The following FAM3B variants were observed in gnomAD, a reference collection of about 807,000 sequenced individuals.
FAM3B encodes protein FAM3B.
In FAM3B, 29 loss-of-function variants were observed where a neutral mutation model predicts 28.4. The ratio of observed to expected loss-of-function variants is 1.02; its 90% CI spans 0.76 to 1.39. The LOEUF (loss-of-function observed/expected upper bound fraction) is 1.39, where lower values mean the gene tolerates loss of function less well. FAM3B is among the 40% of genes most tolerant of loss of function. The pLI is 0.00. For missense variants in FAM3B, 266 were observed against 293.9 expected (o/e 0.91, Z 0.69); for synonymous variants, 91 against 103.0 (o/e 0.88, Z 0.71).
chr21:41,349,822 G>A (rs2089099736), intron 7 of FAM3B, among the ~76,000 whole-genome samples: 1 of 151,774 alleles, frequency 6.6e-6, no homozygotes, highest in African/African-American at 2.4e-5. Flanking sequence ...GGTTATTTTA[G>A]CATGCATCTA....
At chr21:41,333,623 T>C (rs2088927019) in intron 2 of FAM3B, among the ~76,000 whole-genome samples, 1 of 152,240 alleles carries the variant, frequency 6.6e-6, no homozygotes, top group African/African-American at 2.4e-5. Flanking sequence ...AACCCTTTTC[T>C]TTCTAAATTA....
chr21:41,322,071 TC>T (rs914808440), intron 1 of FAM3B, among the ~76,000 whole-genome samples: 26 of 152,302 alleles, frequency 1.7e-4, no homozygotes, highest in African/African-American at 6.3e-4. Flanking sequence ...CCTGTGGTTA[TC>T]CCTGCATCGT....
In FAM3B at chr21:41,353,420, G is replaced by A. The variant is rs754966434; in HGVS notation, c.619-3688G>A. 9.3e-4 allele frequency among the ~76,000 whole-genome samples: 141 copies of A among 152,218 alleles called. 2 individuals are homozygous for A. Among genetic ancestry groups the A allele is most frequent in the Non-Finnish European group, 1.3e-4 (9 of 68,036 alleles). On this transcript the variant is annotated intron_variant, in intron 7 of 7. Coordinates refer to ENST00000357985, the MANE Select transcript of FAM3B (RefSeq NM_058186.4). ...TTTCAAAACATAACACAAAGCTGCTGTGATTGAGATACTGTCACTCTGGCA... is the reference window on the plus strand; with the variant it reads ...TTTCAAAACATAACACAAAGCTGCTATGATTGAGATACTGTCACTCTGGCA...
chr21:41,308,931 G>A (rs893193437), intron 1 of FAM3B, among the ~76,000 whole-genome samples: 1 of 152,172 alleles, frequency 6.6e-6, no homozygotes, highest in African/African-American at 2.4e-5. Flanking sequence ...GCAGAAGCAT[G>A]TGGATCTTCC....
At chr21:41,318,303 C>T (rs1482146224) in intron 1 of FAM3B, among the ~76,000 whole-genome samples, 1 of 152,132 alleles carries the variant, frequency 6.6e-6, no homozygotes, top group Admixed American at 6.6e-5. Flanking sequence ...ACGCTTCTGT[C>T]CAGTGCTGGG....
chr21:41,315,336 A>G (rs1410443996), upstream of FAM3B, among the ~76,000 whole-genome samples: 1 of 152,164 alleles, frequency 6.6e-6, no homozygotes, highest in African/African-American at 2.4e-5. Context: ...TGCAAGATGA[A>G]AAAGTTCTGG....
chr21:41,347,571 G>T (rs1156260731), intron 6 of FAM3B, among the ~76,000 whole-genome samples: 1 of 151,994 alleles, frequency 6.6e-6, no homozygotes, highest in Non-Finnish European at 1.5e-5. Flanking sequence ...TGGCCAACAT[G>T]GTGAAACCTT....
intron 2 of FAM3B, among the ~76,000 whole-genome samples, chr21:41,323,638 A>G (rs1051701340): frequency 6.6e-6 from 1 of 152,204 alleles, no homozygotes; most frequent in Admixed American, 6.5e-5. Flanking sequence ...CCAGGAGCTA[A>G]GGAGAGACGG....
intron 1 of FAM3B, chr21:41,304,391 A>C: frequency 3.0e-5 from 13 of 430,980 alleles, no homozygotes; most frequent in South Asian, 2.1e-4. Flanking sequence ...GACCCTGAGC[A>C]GCCCGAGGGA....
chr21:41,345,296 A>G (rs2089046180), intron 4 of FAM3B, among the ~76,000 whole-genome samples: 1 of 123,262 alleles, frequency 8.1e-6, no homozygotes, highest in Non-Finnish European at 1.7e-5. Context: ...GGCCTGGCTG[A>G]GGGGGCTCTG....
At position 41,356,645 on chromosome 21, in the gene FAM3B, T is replaced by C. The variant is rs112087671; in HGVS notation, c.619-463T>C. Among the ~76,000 whole-genome samples, 114 of 152,354 alleles carry C rather than the reference T, an allele frequency of 7.5e-4. 1 individual carries two copies. The highest frequency in any genetic ancestry group is 2.4e-3 in the African/African-American group (98 of 41,588). Reference sequence around the variant, plus strand: ...GGTAGATTATAGAACATGTCCATCATTGCATAAAGTTCTAGAGCTGTATTA... The same window carrying C: ...GGTAGATTATAGAACATGTCCATCACTGCATAAAGTTCTAGAGCTGTATTA... On this transcript the variant is annotated intron_variant, in intron 7 of 7. Transcript: ENST00000357985.
rs200018772 is a variant in FAM3B at position 41,347,269 on chromosome 21, TA to T, written c.485+178del. Among the ~76,000 whole-genome samples, 998 of 151,536 alleles carry T rather than the reference TA, an allele frequency of 6.6e-3. 6 individuals are homozygous for T. The highest frequency in any genetic ancestry group is 0.032 in the South Asian group (155 of 4,788). On this transcript the variant is annotated intron_variant, in intron 6 of 7. Coordinates refer to ENST00000357985, the MANE Select transcript of FAM3B (RefSeq NM_058186.4). ...CATGACAAAATAGATGGCATTTCTT[TA>T]AAAAAAAATTAAATCACTAACCACA...
intron 2 of FAM3B, among the ~76,000 whole-genome samples, chr21:41,335,690 T>C (rs963114019): frequency 5.3e-5 from 8 of 152,264 alleles, no homozygotes; most frequent in African/African-American, 1.9e-4. Context: ...TATTTCTTTA[T>C]AGCAATGGGA....
intron 1 of FAM3B, among the ~76,000 whole-genome samples, chr21:41,309,391 A>G (rs1157213770): frequency 6.6e-6 from 1 of 152,168 alleles, no homozygotes; most frequent in African/African-American, 2.4e-5. Context: ...CCCATGTGCC[A>G]GGGTCTCTTC....
chr21:41,316,748 C>A (rs887640495), upstream of FAM3B: 3 of 870,370 alleles, frequency 3.4e-6, no homozygotes, highest in Admixed American at 8.6e-5. Context: ...CCCGACTGGC[C>A]GCGCACCCAG....
At chr21:41,345,176 T>C (rs570061083) in intron 4 of FAM3B, among the ~76,000 whole-genome samples, 1 of 151,550 alleles carries the variant, frequency 6.6e-6, no homozygotes, top group Non-Finnish European at 1.5e-5. Context: ...CTGGTGTTTC[T>C]GTGGGATGAG....
Position 41,345,704 on chromosome 21 carries a change from C to G in FAM3B, c.365C>G (p.Thr122Arg), listed in dbSNP as rs758878235. 4.5e-6 allele frequency: 7 copies of G among 1,544,670 alleles called. No homozygotes were observed. Among genetic ancestry groups the G allele is most frequent in the Non-Finnish European group, 6.1e-6 (7 of 1,150,812 alleles). The stretch of plus-strand genomic sequence containing the variant: ...TTTTCAGATGTAACTGGGAATGTGA[C>G]AGCAACACGATGTTTTGATATGTAT... The part of the protein sequence containing the change: ...AIVNYVTGNV[T>R]ATRCFDMYEG... Residue 122 changes from threonine to arginine, a missense_variant, in exon 5 of 8, where the codon ACA (threonine) becomes AGA (arginine). Transcript: ENST00000357985.
In FAM3B at chr21:41,310,280, G is replaced by A. The variant is rs145039925; in HGVS notation, n.99+5970G>A. Among the ~76,000 whole-genome samples the A allele has an allele frequency of 2.0e-3, 304 of 151,714 alleles. 1 individual carries two copies. The highest frequency in any genetic ancestry group is 6.8e-3 in the African/African-American group (281 of 41,320). On this transcript the variant is annotated intron_variant and non_coding_transcript_variant, in intron 1 of 9. Coordinates refer to the FAM3B transcript ENST00000479810. Reference sequence around the variant, plus strand: ...CACCAGTTCCTCTTGGTGGCACCACGTGACCATACACACTCTTTTGGCCAC... The same window carrying A: ...CACCAGTTCCTCTTGGTGGCACCACATGACCATACACACTCTTTTGGCCAC...
intron 2 of FAM3B, 23 bp downstream of exon 2, chr21:41,323,089 A>G (rs1471568134): frequency 1.9e-6 from 3 of 1,598,918 alleles, no homozygotes; most frequent in Non-Finnish European, 2.5e-6. Context: ...CTTGGGGCAG[A>G]CGGCTGCCTT....
Sources: gnomAD v4.1 joint callset for allele counts (sites outside exome capture counted in the v4.1 genomes callset) on GRCh38, gnomAD v4.1.1 for gene constraint, MANE v1.5 for transcripts, NCBI Gene and HGNC (gene_info 2026-07-23, HGNC 2026-07-21) for gene names.